The following RFTN1 variants were observed in gnomAD, a reference collection of about 807,000 sequenced individuals.
RFTN1 encodes the protein raftlin, lipid raft linker 1.
Under a neutral mutation model 46.5 loss-of-function variants are expected in RFTN1, and 26 were observed. That is an observed-to-expected ratio of 0.56 (90% CI 0.41 to 0.78). The LOEUF (loss-of-function observed/expected upper bound fraction) is 0.78, where lower values mean the gene tolerates loss of function less well. RFTN1 is among the 30% of genes least tolerant of loss of function. The pLI is 0.00. For synonymous variants in RFTN1, 261 were observed against 284.2 expected (o/e 0.92, Z 0.82); for missense variants, 693 against 718.7 (o/e 0.96, Z 0.41).
chr3:16,365,724 A>C (rs150749791), intron 6 of RFTN1, among the ~76,000 whole-genome samples: 63 of 152,310 alleles, frequency 4.1e-4, no homozygotes, highest in African/African-American at 1.5e-3. Flanking sequence ...CATAATTCTT[A>C]ACTTATCAAG....
At chr3:16,482,426 T>C (rs759215574) in intron 2 of RFTN1, among the ~76,000 whole-genome samples, 6 of 152,146 alleles carry the variant, frequency 3.9e-5, no homozygotes, top group Non-Finnish European at 5.9e-5. Context: ...AGAGTAGGGC[T>C]CAATCAAAAA....
intron 7 of RFTN1, among the ~76,000 whole-genome samples, chr3:16,330,813 A>C (rs2125243828): frequency 6.6e-6 from 1 of 152,354 alleles, no homozygotes; most frequent in African/African-American, 2.4e-5. Flanking sequence ...AGGACAACAG[A>C]ATGTAGAGTT....
At chr3:16,497,175 T>C (rs541775767) in intron 1 of RFTN1, among the ~76,000 whole-genome samples, 34 of 152,254 alleles carry the variant, frequency 2.2e-4, no homozygotes, top group African/African-American at 7.9e-4. Context: ...CACTGAGCAG[T>C]CTCTGTATTG....
intron 2 of RFTN1, among the ~76,000 whole-genome samples, chr3:16,444,507 G>A (rs2075692649): frequency 6.6e-6 from 1 of 152,216 alleles, no homozygotes; most frequent in East Asian, 1.9e-4. Context: ...AAGTGTGAGT[G>A]TATGTGTGAG....
At chr3:16,395,612 A>G (rs987249872) in intron 4 of RFTN1, among the ~76,000 whole-genome samples, 1 of 152,098 alleles carries the variant, frequency 6.6e-6, no homozygotes, top group African/African-American at 2.4e-5. Flanking sequence ...TGCTCAGCTA[A>G]TTTTATTTTT....
chr3:16,399,281 A>G (rs2074547816), intron 4 of RFTN1, among the ~76,000 whole-genome samples: 1 of 152,236 alleles, frequency 6.6e-6, no homozygotes, highest in African/African-American at 2.4e-5. Context: ...AAATTTTAAA[A>G]AAACAACCTC....
rs2075993415 is a variant in RFTN1, at chr3:16,460,682, T to A, written c.146-26645A>T. The stretch of plus-strand genomic sequence containing the variant: ...TCATGTAAGAGGCCTGTTATACAGA[T>A]AACTAACGCAAGAGACACGTGAGCA... On this transcript the variant is annotated intron_variant, in intron 2 of 9. Coordinates refer to ENST00000334133, the MANE Select transcript of RFTN1 (RefSeq NM_015150.2). The surrounding 1 kb of genome is among the most constrained non-coding windows in gnomAD (Gnocchi z 4.8). Among the ~76,000 whole-genome samples, 1 of 152,172 alleles carries A rather than the reference T, an allele frequency of 6.6e-6. No individual in the cohort carries two copies.
intron 2 of RFTN1, among the ~76,000 whole-genome samples, chr3:16,436,755 T>C (rs1023539959): frequency 1.8e-4 from 27 of 152,360 alleles, no homozygotes; most frequent in Non-Finnish European, 2.1e-4. Context: ...TTCCCAAATA[T>C]GAGTTTATGA....
Position 16,407,218 on chromosome 3 carries a change from T to C in RFTN1, c.441+2157A>G, listed in dbSNP as rs1051621485. Among the ~76,000 whole-genome samples, 2 of 152,240 alleles carry C rather than the reference T, an allele frequency of 1.3e-5. No individual in the cohort carries two copies. Among genetic ancestry groups the C allele is most frequent in the East Asian group, 1.9e-4 (1 of 5,206 alleles). On this transcript the variant is annotated intron_variant, in intron 4 of 9. Transcript: ENST00000334133. The surrounding 1 kb of genome is among the most constrained non-coding windows in gnomAD (Gnocchi z 4.0). ...TCTTTTAAGAGACTGGGTCTCACTC[T>C]GTCAGCCAGGCTGGAGTGCAGTGGT...
chr3:16,338,309 C>G lies in RFTN1; in HGVS notation c.1147-11433G>C, dbSNP rs916497652. Among the ~76,000 whole-genome samples, 1 of 152,226 alleles carries G rather than the reference C, an allele frequency of 6.6e-6. No homozygotes were observed. Among genetic ancestry groups the G allele is most frequent in the Non-Finnish European group, 1.5e-5 (1 of 68,048 alleles). ...TGCAACCACGCAAGGCTCCTGATCA[C>G]AGGGAAGGTAATGAGGCCGGACATG... On this transcript the variant is annotated intron_variant, in intron 7 of 9. Coordinates refer to ENST00000334133, the MANE Select transcript of RFTN1 (RefSeq NM_015150.2). This position sits in a 1 kb window ranked among gnomAD's most constrained non-coding sequence, Gnocchi z 5.3.
At chr3:16,511,585 C>A (rs1435319263) in intron 1 of RFTN1, among the ~76,000 whole-genome samples, 1 of 152,092 alleles carries the variant, frequency 6.6e-6, no homozygotes, top group African/African-American at 2.4e-5. Flanking sequence ...CCTTAGTCCA[C>A]CAAGTTAGAA....
At chr3:16,378,156 G>A in intron 4 of RFTN1, 54 bp from the exon 5 acceptor site, 1 of 1,504,564 alleles carries the variant, frequency 6.6e-7, no homozygotes, top group Non-Finnish European at 9.2e-7. Flanking sequence ...TCTATCAAAG[G>A]GACACGTGCA....
chr3:16,397,559 G>A (rs2074497728), intron 4 of RFTN1, among the ~76,000 whole-genome samples: 1 of 152,152 alleles, frequency 6.6e-6, no homozygotes, highest in Admixed American at 6.5e-5. Context: ...ATTTCACTAT[G>A]TGTATCAAAC....
rs987447759 is a variant in RFTN1 at position 16,322,378 on chromosome 3, A to G, written c.1332+998T>C. ...AGGGGCTGCTCCAATCTGTTCATTT[A>G]CTTGATGCTCCTTCCCAGGGCTCTG... On this transcript the variant is annotated intron_variant, in intron 9 of 9. Transcript: ENST00000334133. This position sits in a 1 kb window ranked among gnomAD's most constrained non-coding sequence, Gnocchi z 6.2. Among the ~76,000 whole-genome samples, 3 of 152,180 alleles carry G rather than the reference A, an allele frequency of 2.0e-5. No individual in the cohort carries two copies. Among genetic ancestry groups the G allele is most frequent in the Admixed American group, 2.0e-4 (3 of 15,280 alleles).
chr3:16,416,227 G>GA, intron 3 of RFTN1: 1 of 456,188 alleles, frequency 2.2e-6, no homozygotes, highest in Non-Finnish European at 4.4e-6. Flanking sequence ...AATCAAGAAT[G>GA]AATAGGACAA....
At chr3:16,390,503 T>G (rs13074895) in intron 4 of RFTN1, among the ~76,000 whole-genome samples, 28,623 of 152,244 alleles carry the variant, frequency 0.19, 3,045 homozygotes, top group East Asian at 0.29. Context: ...CCCCTGCAGC[T>G]TAGCTTACAT....
chr3:16,370,012 G>T lies in RFTN1; in HGVS notation c.1030+64C>A. On this transcript the variant is annotated intron_variant, in intron 6 of 9. Transcript: ENST00000334133. The surrounding 1 kb of genome is among the most constrained non-coding windows in gnomAD (Gnocchi z 5.5). Reference sequence around the variant, plus strand: ...GAAGCAGACTCTGAAGAGGGACTAAGATTTCAAGAGTTAGAAGCAGAGTTC... The same window carrying T: ...GAAGCAGACTCTGAAGAGGGACTAATATTTCAAGAGTTAGAAGCAGAGTTC... 4.8e-6 allele frequency: 7 copies of T among 1,457,580 alleles called. 1 individual carries two copies. The highest frequency in any genetic ancestry group is 3.4e-5 in the South Asian group (3 of 87,248). 90.3% of individuals were successfully genotyped at this position (1,457,580 alleles called of 1,614,324 possible). A position where few individuals can be genotyped will look rare whatever the true frequency, so the allele number is the denominator to read the frequency against.
intron 2 of RFTN1, among the ~76,000 whole-genome samples, chr3:16,455,351 A>G (rs1427999904): frequency 6.6e-6 from 1 of 152,226 alleles, no homozygotes; most frequent in Non-Finnish European, 1.5e-5. Flanking sequence ...TTGTGTGCGT[A>G]TGTGAAAATC....
At chr3:16,462,453 C>T (rs550611934) in intron 2 of RFTN1, among the ~76,000 whole-genome samples, 1 of 152,284 alleles carries the variant, frequency 6.6e-6, no homozygotes, top group South Asian at 2.1e-4. Context: ...CTGTTTTATA[C>T]AAGTGGTCCC....
Sources: gnomAD v4.1 joint callset for allele counts (sites outside exome capture counted in the v4.1 genomes callset) on GRCh38, gnomAD v4.1.1 for gene constraint, Gnocchi (gnomAD v3.1) non-coding constraint, MANE v1.5 for transcripts, NCBI Gene and HGNC (gene_info 2026-07-23, HGNC 2026-07-21) for gene names.